FLACC1: variants seen among roughly 807,000 people sequenced by gnomAD.
FLACC1 encodes the protein flagellum associated containing coiled-coil domains 1.
A neutral mutation model predicts 62.8 loss-of-function variants in FLACC1; 66 were observed. That is an observed-to-expected ratio of 1.05 (90% CI 0.86 to 1.29). The LOEUF (loss-of-function observed/expected upper bound fraction) is 1.29. Among genes scored for constraint, FLACC1 ranks in the 50% most tolerant of loss-of-function variants. The probability of loss-of-function intolerance (pLI) is 0.00; values close to 1 mark genes in which losing one functional copy is unlikely to be tolerated. For synonymous variants in FLACC1, 156 were observed against 161.0 expected, an observed-to-expected ratio of 0.97 and a Z score of 0.24; for missense variants, 452 against 489.1, an observed-to-expected ratio of 0.92 and a Z score of 0.71.
intron 1 of FLACC1, among the ~76,000 whole-genome samples, chr2:201,352,918 A>G (rs1309745301): frequency 6.6e-6 from 1 of 152,224 alleles, no homozygotes; most frequent in Non-Finnish European, 1.5e-5. Context: ...GAGCCAAGGA[A>G]TCGGGGCAGC....
In FLACC1 at chr2:201,324,627, A is replaced by G. The variant is rs1360618968; in HGVS notation, c.675+5843T>C. 5.3e-5 allele frequency among the ~76,000 whole-genome samples: 8 copies of G among 152,226 alleles called. No individual in the cohort carries two copies. The East Asian group carries it at 1.5e-3, about 29-fold the overall frequency. On this transcript the variant is annotated intron_variant, in intron 9 of 14. Transcript: ENST00000392257. ...ATAGGTCACAAAACAAGTCTCAATT[A>G]ATTTTTAAAAATTGAAATCCTATGA...
chr2:201,330,500 C>T lies in FLACC1; in HGVS notation c.645G>A (p.Lys215=), dbSNP rs145409689. Residue 215 remains lysine, a synonymous_variant, in exon 9 of 15, where the codon AAG becomes AAA. Transcript: ENST00000392257. ...EKLEEMGKEY[K]YLKNMFRTYQ... Reference sequence around the variant, plus strand: ...ACGTACGAAACATATTCTTCAAATACTTGTATTCTTTTCCCATCTCCTCTG... The same window carrying T: ...ACGTACGAAACATATTCTTCAAATATTTGTATTCTTTTCCCATCTCCTCTG... The T allele has an allele frequency of 9.3e-6, 15 of 1,613,772 alleles. No individual in the cohort carries two copies. Among genetic ancestry groups the T allele is most frequent in the Non-Finnish European group, 1.3e-5 (15 of 1,179,920 alleles).
rs549643829 is a variant in FLACC1 at position 201,346,276 on chromosome 2, T to C, written c.368+266A>G. ...TATCTATTCCTCACCCCACGAACAA[T>C]TGCTATCCTTTGGGATCAATCACAT... On this transcript the variant is annotated intron_variant, in intron 5 of 14. Transcript: ENST00000392257. This position sits in a 1 kb window ranked among gnomAD's most constrained non-coding sequence, Gnocchi z 4.0. 2.6e-5 allele frequency among the ~76,000 whole-genome samples: 4 copies of C among 152,288 alleles called. No homozygotes were observed. The highest frequency in any genetic ancestry group is 1.9e-4 in the East Asian group (1 of 5,184).
chr2:201,350,204 G>A (rs1251541420), intron 3 of FLACC1, among the ~76,000 whole-genome samples: 3 of 152,150 alleles, frequency 2.0e-5, no homozygotes, highest in Admixed American at 2.0e-4. Context: ...GGCCAACATG[G>A]TGAAACCCCG....
intron 7 of FLACC1, among the ~76,000 whole-genome samples, chr2:201,336,856 G>T (rs1950705603): frequency 1.3e-5 from 2 of 152,268 alleles, no homozygotes; most frequent in South Asian, 4.1e-4. Flanking sequence ...GGTGTAAGAT[G>T]ATATCTTATT....
intron 7 of FLACC1, among the ~76,000 whole-genome samples, chr2:201,339,066 C>CTTTTTTTTTTTTTTTTTTTTTTT (rs1559414089): frequency 2.0e-5 from 3 of 151,866 alleles, no homozygotes; most frequent in African/African-American, 7.3e-5. Flanking sequence ...TGTTGGGAGA[C>CTTTTTTTTTTTTTTTTTTTTTTT]TTTTTATTAC....
intron 12 of FLACC1, among the ~76,000 whole-genome samples, chr2:201,297,531 T>G (rs1949890094): frequency 6.6e-6 from 1 of 152,066 alleles, no homozygotes; most frequent in African/African-American, 2.4e-5. Flanking sequence ...CTAAGACAGG[T>G]GAATGTTGCA....
At position 201,326,672 on chromosome 2, in the gene FLACC1, T is replaced by C. The variant is rs1412286246; in HGVS notation, c.675+3798A>G. ...CACAGCTGAAAGAAGTAATAGGTTA[T>C]ACAAACAAATGGAAATGCATTCTAT... On this transcript the variant is annotated intron_variant, in intron 9 of 14. Coordinates refer to ENST00000392257, the MANE Select transcript of FLACC1 (RefSeq NM_001127391.3). This position sits in a 1 kb window ranked among gnomAD's most constrained non-coding sequence, Gnocchi z 4.1. Among the ~76,000 whole-genome samples the C allele has an allele frequency of 1.3e-5, 2 of 152,126 alleles. No individual in the cohort carries two copies. Among genetic ancestry groups the C allele is most frequent in the Non-Finnish European group, 2.9e-5 (2 of 67,998 alleles).
At chr2:201,332,000 C>T (rs1438085903) in intron 7 of FLACC1, among the ~76,000 whole-genome samples, 1 of 152,100 alleles carries the variant, frequency 6.6e-6, no homozygotes, top group Non-Finnish European at 1.5e-5. Flanking sequence ...CTCAATGTTG[C>T]TGTAAACCTA....
chr2:201,339,949 T>C (rs1269943472), intron 7 of FLACC1, among the ~76,000 whole-genome samples: 1 of 152,062 alleles, frequency 6.6e-6, no homozygotes, highest in African/African-American at 2.4e-5. Context: ...GTAGCAATAG[T>C]GGGACAACCC....
chr2:201,299,180 T>C, intron 12 of FLACC1, 58 bp downstream of exon 12: 1 of 1,457,532 alleles, frequency 6.9e-7, no homozygotes, highest in Non-Finnish European at 9.5e-7. Flanking sequence ...GACAGCTTGT[T>C]ATTTTATTGG....
intron 7 of FLACC1, among the ~76,000 whole-genome samples, chr2:201,331,273 G>A (rs1950589417): frequency 6.6e-6 from 1 of 152,060 alleles, no homozygotes; most frequent in Non-Finnish European, 1.5e-5. Context: ...TACTCAGCCT[G>A]GGGCCTTCAC....
the FLACC1 span, among the ~76,000 whole-genome samples, chr2:201,362,473 G>A: frequency 6.6e-6 from 1 of 152,092 alleles, no homozygotes; most frequent in African/African-American, 2.4e-5. Context: ...AATTGTGAAG[G>A]ACACCCCAGA....
chr2:201,312,864 G>A (rs559801157), intron 9 of FLACC1, among the ~76,000 whole-genome samples: 5 of 152,280 alleles, frequency 3.3e-5, no homozygotes, highest in Admixed American at 1.3e-4. Context: ...CGTAGGACCC[G>A]GGAGATGCCC....
chr2:201,342,258 T>A (rs1372645070), intron 7 of FLACC1, 112 bp downstream of exon 7: 5 of 1,055,078 alleles, frequency 4.7e-6, no homozygotes, highest in Non-Finnish European at 7.1e-6. Flanking sequence ...CCACCCTTCA[T>A]CCCCCAACTC....
intron 11 of FLACC1, among the ~76,000 whole-genome samples, chr2:201,303,268 G>T (rs1376843583): frequency 6.6e-6 from 1 of 151,942 alleles, no homozygotes; most frequent in Non-Finnish European, 1.5e-5. Flanking sequence ...ATCCCACAGA[G>T]ATACAAACTA....
chr2:201,300,851 C>T (rs1232581869), intron 11 of FLACC1, among the ~76,000 whole-genome samples: 5 of 152,218 alleles, frequency 3.3e-5, no homozygotes, highest in African/African-American at 1.2e-4. Context: ...AACAGACCTG[C>T]AGCTGAGGGT....
At chr2:201,303,476 T>C (rs1950033061) in intron 11 of FLACC1, among the ~76,000 whole-genome samples, 2 of 152,140 alleles carry the variant, frequency 1.3e-5, no homozygotes, top group South Asian at 4.2e-4. Flanking sequence ...ACCAGACGGA[T>C]TCACAGCCGA....
upstream of FLACC1, among the ~76,000 whole-genome samples, chr2:201,362,114 A>T (rs1951190274): frequency 6.6e-6 from 1 of 152,242 alleles, no homozygotes; most frequent in African/African-American, 2.4e-5. Context: ...AGTGAAACTA[A>T]CAATAGAAGT....
Sources: gnomAD v4.1 joint callset for allele counts (sites outside exome capture counted in the v4.1 genomes callset) on GRCh38, gnomAD v4.1.1 for gene constraint, Gnocchi (gnomAD v3.1) non-coding constraint, MANE v1.5 for transcripts, NCBI Gene and HGNC (gene_info 2026-07-23, HGNC 2026-07-21) for gene names.